The following RPS6KC1 variants were observed in gnomAD, a reference collection of about 807,000 sequenced individuals.
RPS6KC1 encodes ribosomal protein S6 kinase C1.
A neutral mutation model predicts 103.8 loss-of-function variants in RPS6KC1; 54 were observed. The observed-to-expected ratio is 0.52, with a 90% CI of 0.42 to 0.65. The LOEUF is 0.65. Ranked by LOEUF, RPS6KC1 falls within the 30% of genes least tolerant of loss-of-function variation. The probability of loss-of-function intolerance (pLI) is 0.00; values close to 1 mark genes in which losing one functional copy is unlikely to be tolerated. For synonymous variants in RPS6KC1, 439 were observed against 438.7 expected, an observed-to-expected ratio of 1.00 and a Z score of -0.01; for missense variants, 1,151 against 1,253.8, an observed-to-expected ratio of 0.92 and a Z score of 1.24.
At chr1:213,522,154 T>C in the RPS6KC1 span, among the ~76,000 whole-genome samples, 3 of 152,238 alleles carry the variant, frequency 2.0e-5, no homozygotes, top group Non-Finnish European at 2.9e-5. Context: ...GATATTGTGT[T>C]AGCAGACATG....
the RPS6KC1 span, among the ~76,000 whole-genome samples, chr1:213,435,066 A>AT: frequency 6.6e-6 from 1 of 152,006 alleles, no homozygotes; most frequent in South Asian, 2.1e-4. Flanking sequence ...TGCTGTCTTT[A>AT]TTTTTAGAAA....
intron 1 of RPS6KC1, among the ~76,000 whole-genome samples, chr1:213,069,308 T>C (rs2078655374): frequency 6.6e-6 from 1 of 152,150 alleles, no homozygotes; most frequent in Non-Finnish European, 1.5e-5. Flanking sequence ...GAGAATAGAG[T>C]GCAAGATATT....
chr1:213,371,007 C>T, the RPS6KC1 span, among the ~76,000 whole-genome samples: 10 of 152,054 alleles, frequency 6.6e-5, no homozygotes, highest in East Asian at 1.9e-4. Context: ...TTAAGTGCAC[C>T]GTTCAATAGA....
chr1:213,060,109 C>T (rs1023815692), intron 1 of RPS6KC1, among the ~76,000 whole-genome samples: 4 of 152,170 alleles, frequency 2.6e-5, no homozygotes, highest in East Asian at 1.9e-4. Flanking sequence ...TGAACCACCG[C>T]GTCCAGCTGC....
chr1:213,259,122 G>A (rs1001164043), intron 12 of RPS6KC1, among the ~76,000 whole-genome samples: 1 of 152,214 alleles, frequency 6.6e-6, no homozygotes, highest in African/African-American at 2.4e-5. Flanking sequence ...CTATGCAGAT[G>A]AACAGAAGGG....
chr1:213,183,304 A>G (rs1470278071), intron 8 of RPS6KC1, among the ~76,000 whole-genome samples: 3 of 152,128 alleles, frequency 2.0e-5, no homozygotes, highest in Admixed American at 1.3e-4. Context: ...AATACCATCA[A>G]CCAACAAAAT....
the RPS6KC1 span, among the ~76,000 whole-genome samples, chr1:213,812,479 T>C: frequency 6.6e-6 from 1 of 152,256 alleles, no homozygotes; most frequent in African/African-American, 2.4e-5. Context: ...TTTAGCAGTT[T>C]CTTAAATTCT....
At chr1:213,153,124 C>T (rs1405223620) in intron 6 of RPS6KC1, among the ~76,000 whole-genome samples, 1 of 152,180 alleles carries the variant, frequency 6.6e-6, no homozygotes, top group Non-Finnish European at 1.5e-5. Context: ...AGGCACTCGG[C>T]AGGCTGAGTC....
intron 6 of RPS6KC1, among the ~76,000 whole-genome samples, chr1:213,144,777 A>G (rs2087526867): frequency 6.6e-6 from 1 of 152,080 alleles, no homozygotes; most frequent in African/African-American, 2.4e-5. Context: ...TAGTAGTCAC[A>G]TTAAAAAAAA....
the RPS6KC1 span, among the ~76,000 whole-genome samples, chr1:213,461,204 ATC>A: frequency 6.6e-6 from 1 of 152,248 alleles, no homozygotes; most frequent in Admixed American, 6.5e-5. Flanking sequence ...AGAATAAAAT[ATC>A]TAGGAATACA....
chr1:213,061,244 T>C (rs2077811890), intron 1 of RPS6KC1, among the ~76,000 whole-genome samples: 1 of 152,242 alleles, frequency 6.6e-6, no homozygotes, highest in African/African-American at 2.4e-5. Context: ...TGTAGTACTT[T>C]TGACATAATG....
intron 2 of RPS6KC1, among the ~76,000 whole-genome samples, chr1:213,072,626 G>T (rs1399294918): frequency 5.3e-4 from 80 of 151,834 alleles, no homozygotes; most frequent in Admixed American, 5.1e-3. Flanking sequence ...GAAACAGAAA[G>T]AATATTGTAA....
the RPS6KC1 span, among the ~76,000 whole-genome samples, chr1:213,388,300 C>T: frequency 6.6e-6 from 1 of 152,372 alleles, no homozygotes; most frequent in Admixed American, 6.5e-5. Flanking sequence ...ACGTGGCACA[C>T]AAAGCCTATT....
chr1:213,647,989 A>G, the RPS6KC1 span, among the ~76,000 whole-genome samples: 1 of 152,176 alleles, frequency 6.6e-6, no homozygotes, highest in Non-Finnish European at 1.5e-5. Context: ...CCTGCTCCAC[A>G]CTGACATTCA....
the RPS6KC1 span, among the ~76,000 whole-genome samples, chr1:213,781,789 A>G: frequency 6.6e-6 from 1 of 152,180 alleles, no homozygotes; most frequent in Non-Finnish European, 1.5e-5. Context: ...GGCAGATGTA[A>G]GTAAAGGACA....
At chr1:213,120,447 G>A (rs2084252884) in intron 5 of RPS6KC1, among the ~76,000 whole-genome samples, 1 of 152,114 alleles carries the variant, frequency 6.6e-6, no homozygotes, top group African/African-American at 2.4e-5. Flanking sequence ...TGGCATAGTG[G>A]GAAAGTGGAA....
rs186299560 is a variant in RPS6KC1 at position 213,214,283 on chromosome 1, C to T, written c.1045-16214C>T. Among the ~76,000 whole-genome samples, 664 of 152,362 alleles carry T rather than the reference C, an allele frequency of 4.4e-3. 4 individuals are homozygous for T. Among genetic ancestry groups the T allele is most frequent in the African/African-American group, 0.015 (640 of 41,594 alleles). On this transcript the variant is annotated intron_variant, in intron 8 of 14. Coordinates refer to ENST00000366960, the MANE Select transcript of RPS6KC1 (RefSeq NM_012424.6). ...TACACGGAGCTTCGCTCATTGCTAG[C>T]ACAGCAGTCTGAGATCAAACTGCAA...
chr1:213,683,400 AG>A, the RPS6KC1 span, among the ~76,000 whole-genome samples: 1,441 of 152,264 alleles, frequency 9.5e-3, 19 homozygotes, highest in African/African-American at 0.032. Flanking sequence ...AGTTAGAGAG[AG>A]GGGGAACACA....
intron 6 of RPS6KC1, among the ~76,000 whole-genome samples, chr1:213,144,300 G>T (rs2087452434): frequency 6.6e-6 from 1 of 152,018 alleles, no homozygotes; most frequent in South Asian, 2.1e-4. Flanking sequence ...TTTAGAGACA[G>T]GGTCTTGCCT....
Sources: gnomAD v4.1 joint callset for allele counts (sites outside exome capture counted in the v4.1 genomes callset) on GRCh38, gnomAD v4.1.1 for gene constraint, MANE v1.5 for transcripts, NCBI Gene and HGNC (gene_info 2026-07-23, HGNC 2026-07-21) for gene names.